Variants in MARCHF1 observed in about 807,000 individuals in gnomAD.
MARCHF1 encodes the protein membrane associated ring-CH-type finger 1.
Under a neutral mutation model 54.2 loss-of-function variants are expected in MARCHF1, and 40 were observed. That is an observed-to-expected ratio of 0.74 (90% CI 0.57 to 0.96). MARCHF1 has a LOEUF of 0.96. Ranked by LOEUF, MARCHF1 falls within the 40% of genes least tolerant of loss-of-function variation. The pLI is 0.00. For synonymous variants in MARCHF1, 236 were observed against 236.3 expected, an observed-to-expected ratio of 1.00 and a Z score of 0.01; for missense variants, 586 against 656.5, an observed-to-expected ratio of 0.89 and a Z score of 1.17.
chr4:164,255,485 C>A (rs184704619), intron 1 of MARCHF1, among the ~76,000 whole-genome samples: 34 of 149,568 alleles, frequency 2.3e-4, no homozygotes, highest in African/African-American at 7.8e-4. Flanking sequence ...AACAACGCCA[C>A]GCATGAAAAT....
intron 1 of MARCHF1, among the ~76,000 whole-genome samples, chr4:164,241,625 C>A (rs1732754730): frequency 6.6e-6 from 1 of 152,090 alleles, no homozygotes; most frequent in Non-Finnish European, 1.5e-5. Context: ...GGGGAGGAGC[C>A]AAGATGGCCC....
At chr4:163,783,197 T>C (rs1284579471) in intron 4 of MARCHF1, among the ~76,000 whole-genome samples, 1 of 152,244 alleles carries the variant, frequency 6.6e-6, no homozygotes, top group Non-Finnish European at 1.5e-5. Flanking sequence ...TAGAAATTGT[T>C]ATTCCCCTTT....
chr4:164,003,056 A>T (rs1753216590), intron 2 of MARCHF1, among the ~76,000 whole-genome samples: 1 of 151,930 alleles, frequency 6.6e-6, no homozygotes, highest in East Asian at 1.9e-4. Context: ...GAATGAGAAG[A>T]GGAATAAGGA....
At position 163,639,322 on chromosome 4, in the gene MARCHF1, C is replaced by T. The variant is rs548992820; in HGVS notation, c.163-25929G>A. Among the ~76,000 whole-genome samples the T allele has an allele frequency of 3.9e-5, 6 of 152,116 alleles. No homozygotes were observed. In the South Asian group the frequency reaches 1.0e-3, roughly 26 times the overall value. ...AAATAATTACATGAGTTGCACTGTC[C>T]GTAATATAAAAACAAGCTGCACAAT... On this transcript the variant is annotated intron_variant, in intron 5 of 9. Transcript: ENST00000514618.
At chr4:163,995,740 A>G (rs1444881279) in intron 2 of MARCHF1, among the ~76,000 whole-genome samples, 1 of 152,086 alleles carries the variant, frequency 6.6e-6, no homozygotes, top group Admixed American at 6.6e-5. Context: ...AAAGCACCCT[A>G]CCATTTGACG....
intron 1 of MARCHF1, among the ~76,000 whole-genome samples, chr4:164,202,919 T>C (rs1731493591): frequency 6.6e-6 from 1 of 151,966 alleles, no homozygotes; most frequent in South Asian, 2.1e-4. Context: ...CCTATATCCA[T>C]CCACCATTAA....
chr4:164,146,730 A>T (rs1371808287), intron 1 of MARCHF1, among the ~76,000 whole-genome samples: 1 of 152,114 alleles, frequency 6.6e-6, no homozygotes, highest in Non-Finnish European at 1.5e-5. Flanking sequence ...CTAGAAGAAA[A>T]CCTAGGCTTT....
intron 2 of MARCHF1, among the ~76,000 whole-genome samples, chr4:164,002,806 A>G (rs951500318): frequency 6.6e-6 from 1 of 151,894 alleles, no homozygotes; most frequent in Non-Finnish European, 1.5e-5. Context: ...AAAATCTTAA[A>G]TAATGCTGGT....
At chr4:163,731,727 G>A (rs747843069) in intron 4 of MARCHF1, among the ~76,000 whole-genome samples, 3 of 152,186 alleles carry the variant, frequency 2.0e-5, no homozygotes, top group Admixed American at 1.3e-4. Context: ...AAAAGGATTA[G>A]TAGACACATT....
intron 1 of MARCHF1, among the ~76,000 whole-genome samples, chr4:164,148,305 C>A (rs1441280420): frequency 1.3e-5 from 2 of 152,062 alleles, no homozygotes; most frequent in African/African-American, 2.4e-5. Context: ...CAAAATCAAT[C>A]AATATCAAAA....
intron 1 of MARCHF1, among the ~76,000 whole-genome samples, chr4:164,192,791 T>TC: frequency 6.6e-6 from 1 of 152,298 alleles, no homozygotes. Flanking sequence ...AAAGTCCTCT[T>TC]CCCCTTAAGA....
chr4:163,612,817 A>G lies in MARCHF1; in HGVS notation c.464T>C (p.Leu155Pro). 3.9e-6 allele frequency: 6 copies of G among 1,535,204 alleles called. No individual in the cohort carries two copies. Among genetic ancestry groups the G allele is most frequent in the South Asian group, 1.2e-5 (1 of 84,000 alleles). ...LQISSPRWRE[L>P]YTDSSDSSST... ...AGATGAATCTGAAGAATCTGTGTAA[A>G]GCTCCCTCCACCTGGGGCTTGAGAT... The change falls in exon 7 of 10, where the codon CTT becomes CCT. Residue 155 changes from leucine (L) to proline (P), a missense_variant. Physicochemically the swap from Leu to Pro is moderately conservative, Grantham distance 98. Around this residue, in one of 3 missense-constraint regions of MARCHF1, gnomAD observed 387 missense variants for 394.6 expected, o/e 0.98. Coordinates refer to ENST00000514618, the MANE Select transcript of MARCHF1 (RefSeq NM_001394959.1).
chr4:163,731,065 G>A (rs1745814492), intron 4 of MARCHF1, among the ~76,000 whole-genome samples: 1 of 152,020 alleles, frequency 6.6e-6, no homozygotes, highest in South Asian at 2.1e-4. Flanking sequence ...ATAAACAATA[G>A]GATAAACATT....
chr4:164,091,820 G>C (rs1022099928), intron 2 of MARCHF1, among the ~76,000 whole-genome samples: 1 of 151,540 alleles, frequency 6.6e-6, no homozygotes, highest in Non-Finnish European at 1.5e-5. Flanking sequence ...TATCTAAGAA[G>C]AGTAATAATG....
At chr4:164,340,205 C>A (rs1729872273) in intron 1 of MARCHF1, among the ~76,000 whole-genome samples, 1 of 150,390 alleles carries the variant, frequency 6.6e-6, no homozygotes, top group South Asian at 2.1e-4. Context: ...TCTAAACAAC[C>A]AAAGAGGAGG....
At chr4:164,350,182 G>A (rs1391040427) in intron 1 of MARCHF1, among the ~76,000 whole-genome samples, 2 of 152,152 alleles carry the variant, frequency 1.3e-5, no homozygotes, top group Admixed American at 1.3e-4. Flanking sequence ...GTATACTGAT[G>A]TGTATGTATA....
chr4:163,613,964 C>G, intron 5 of MARCHF1, among the ~76,000 whole-genome samples: 1 of 152,080 alleles, frequency 6.6e-6, no homozygotes, highest in Non-Finnish European at 1.5e-5. Flanking sequence ...TATCTTTTAA[C>G]CCTATAACCA....
intron 5 of MARCHF1, among the ~76,000 whole-genome samples, chr4:163,652,059 C>G (rs1370979529): frequency 6.6e-6 from 1 of 151,736 alleles, no homozygotes. Flanking sequence ...ATGTTATTCC[C>G]TCTTTTTAGA....
chr4:164,038,543 G>A (rs1007321187), intron 2 of MARCHF1, among the ~76,000 whole-genome samples: 1 of 152,068 alleles, frequency 6.6e-6, no homozygotes, highest in African/African-American at 2.4e-5. Context: ...CTCACCTCAT[G>A]AACTATCTTA....
Sources: allele counts gnomAD v4.1 joint callset (sites outside exome capture counted in the v4.1 genomes callset), GRCh38; gene constraint gnomAD v4.1.1; regional missense constraint gnomAD v4.1.1; transcripts MANE v1.5; gene names NCBI Gene and HGNC (gene_info 2026-07-23, HGNC 2026-07-21).